The following CYP3A43 variants were observed in gnomAD, a reference collection of about 807,000 sequenced individuals.
CYP3A43 encodes the protein cytochrome P450 3A43.
CYP3A43 carries 45 observed loss-of-function variants against 58.0 expected under a neutral mutation model. The observed-to-expected ratio is 0.78, with a 90% CI of 0.61 to 0.99. The LOEUF is 0.99. Among genes scored for constraint, CYP3A43 ranks in the 50% least tolerant of loss-of-function variants. The pLI is 0.00. For synonymous variants in CYP3A43, 191 were observed against 201.4 expected (o/e 0.95, Z 0.44); for missense variants, 593 against 591.9 (o/e 1.00, Z -0.02).
intron 4 of CYP3A43, 56 bp downstream of exon 4, chr7:99,844,298 A>T: frequency 6.5e-7 from 1 of 1,539,526 alleles, no homozygotes; most frequent in Non-Finnish European, 8.9e-7. Flanking sequence ...ATGATTATAT[A>T]TTCATGGAAA....
At chr7:99,842,112 A>G (rs1206163058) in intron 3 of CYP3A43, among the ~76,000 whole-genome samples, 1 of 152,254 alleles carries the variant, frequency 6.6e-6, no homozygotes, top group South Asian at 2.1e-4. Context: ...TAAAGGACTT[A>G]TAAAATGGTC....
At chr7:99,863,728 T>C in intron 12 of CYP3A43, 29 bp downstream of exon 12, 1 of 1,486,962 alleles carries the variant, frequency 6.7e-7, no homozygotes, top group South Asian at 1.5e-5. Context: ...AAATAATGTT[T>C]ATTGGGAGTT....
intron 7 of CYP3A43, 35 bp from the exon 8 acceptor site, chr7:99,855,555 AT>A (rs1563069780): frequency 1.3e-6 from 2 of 1,574,636 alleles, no homozygotes; most frequent in Non-Finnish European, 1.7e-6. Flanking sequence ...TTTCACTATG[AT>A]TTATTTTTTC....
chr7:99,847,862 A>C (rs1017430268), intron 5 of CYP3A43: 10 of 510,354 alleles, frequency 2.0e-5, no homozygotes, highest in Admixed American at 1.3e-4. Context: ...AAATACAAAA[A>C]TTAGCTGGGC....
chr7:99,854,320 T>C (rs115694269), intron 7 of CYP3A43, among the ~76,000 whole-genome samples: 6,035 of 151,538 alleles, frequency 0.04, 408 homozygotes, highest in African/African-American at 0.14. Context: ...AATTCTCCTT[T>C]CTCACCCTCC....
At chr7:99,833,969 C>G (rs953178501) in intron 1 of CYP3A43, among the ~76,000 whole-genome samples, 2 of 152,168 alleles carry the variant, frequency 1.3e-5, no homozygotes, top group Admixed American at 1.3e-4. Context: ...CCAGGGACCA[C>G]CTGGACCAAG....
rs1456534178 is a variant in CYP3A43, at chr7:99,859,948, G to T, written c.984G>T (p.Gln328His). 1 of 1,612,354 alleles carries T rather than the reference G, an allele frequency of 6.2e-7. No homozygotes were observed. Among genetic ancestry groups the T allele is most frequent in the East Asian group, 2.2e-5 (1 of 44,804 alleles). Residue 328 changes from glutamine (Q) to histidine (H), a missense_variant, in exon 10 of 13, where the codon CAG becomes CAT. Coordinates refer to ENST00000354829, the MANE Select transcript of CYP3A43 (RefSeq NM_057095.3). Reference protein sequence around the residue: ...MYELATHPDVQQKLQEEIDAV... With the variant: ...MYELATHPDVHQKLQEEIDAV... ...AACTGGCCACTCACCCTGATGTCCA[G>T]CAGAAACTGCAGGAGGAGATTGACG...
rs555154675 is a variant in CYP3A43 at position 99,833,794 on chromosome 7, C to T, written c.72-2659C>T. Among the ~76,000 whole-genome samples the T allele has an allele frequency of 7.9e-5, 12 of 152,324 alleles. No individual in the cohort carries two copies. The East Asian group carries it at 1.3e-3, about 17-fold the overall frequency. On this transcript the variant is annotated intron_variant, in intron 1 of 12. Transcript: ENST00000354829. ...ATATCTGGTTAATGCCACAACTGTG[C>T]GGTAGCGTGTCAGGCTACTATTGCC...
Position 99,849,955 on chromosome 7 carries a change from A to ATTTTTT in CYP3A43, c.670+277_670+282dup, listed in dbSNP as rs71515286. ...TCATCCCCTTCCAATCTTCCTCACC[A>ATTTTTT]TTTTTTTTTTTTTTTTTTTTTAGAC... is the stretch of plus-strand genomic sequence containing the variant. On this transcript the variant is annotated intron_variant, in intron 7 of 12. Transcript: ENST00000354829. 8.1e-3 allele frequency: 2,935 copies of ATTTTTT among 363,034 alleles called. 281 individuals carry two copies. The highest frequency in any genetic ancestry group is 0.073 in the African/African-American group (2,002 of 27,272). The allele number at this position is 363,034 out of a possible 1,614,324, so 22.5% of individuals were successfully genotyped here. A position where few individuals can be genotyped will look rare whatever the true frequency, so the allele number is the denominator to read the frequency against.
At chr7:99,834,613 G>A (rs575866671) in intron 1 of CYP3A43, among the ~76,000 whole-genome samples, 12 of 152,272 alleles carry the variant, frequency 7.9e-5, no homozygotes, top group East Asian at 7.7e-4. Context: ...TGCCAAGTGC[G>A]GCTTAGAATA....
chr7:99,845,354 G>A (rs926922026), intron 4 of CYP3A43, among the ~76,000 whole-genome samples: 2 of 150,494 alleles, frequency 1.3e-5, no homozygotes, highest in African/African-American at 2.5e-5. Flanking sequence ...ACAGAGTCTC[G>A]CTCTGTCACC....
rs1379584913 is a variant in CYP3A43 at position 99,859,879 on chromosome 7, T to C, written c.915T>C (p.Ala305=). The change falls in exon 10 of 13, where the codon GCT becomes GCC. Residue 305 remains alanine (A), a synonymous_variant. Transcript: ENST00000354829. The stretch of plus-strand genomic sequence containing the variant: ...CCCAGTCAATTATCATCATTTTTGC[T>C]GCCTATGACACAACTAGCACCACTC... ...LVAQSIIIIF[A]AYDTTSTTLP... 1 of 1,614,222 alleles carries C rather than the reference T, an allele frequency of 6.2e-7. No homozygotes were observed. The highest frequency in any genetic ancestry group is 8.5e-7 in the Non-Finnish European group (1 of 1,180,044).
rs1468743755 is a variant in CYP3A43, at chr7:99,849,811, T to C, written c.670+117T>C. 4.6e-6 allele frequency: 5 copies of C among 1,078,758 alleles called. No individual in the cohort carries two copies. In the African/African-American group the frequency reaches 6.5e-5, roughly 14 times the overall value. 66.8% of individuals were successfully genotyped at this position (1,078,758 alleles called of 1,614,324 possible). ...TAATTCACCTACTTAAAATGTATAA[T>C]TCAATGGTTTTTGGTACATTTAAAG... On this transcript the variant is annotated intron_variant, in intron 7 of 12. Coordinates refer to ENST00000354829, the MANE Select transcript of CYP3A43 (RefSeq NM_057095.3).
chr7:99,850,739 T>C (rs1817729390), intron 7 of CYP3A43, among the ~76,000 whole-genome samples: 1 of 152,206 alleles, frequency 6.6e-6, no homozygotes, highest in Non-Finnish European at 1.5e-5. Context: ...ATCATATAAA[T>C]TGAATCATAT....
At chr7:99,831,283 C>A (rs1816833477) in intron 1 of CYP3A43, among the ~76,000 whole-genome samples, 1 of 152,126 alleles carries the variant, frequency 6.6e-6, no homozygotes, top group Non-Finnish European at 1.5e-5. Flanking sequence ...CTAAGAAAAG[C>A]TAACCTATAA....
chr7:99,860,943 G>A (rs45563540), intron 10 of CYP3A43, among the ~76,000 whole-genome samples: 9,023 of 151,866 alleles, frequency 0.059, 849 homozygotes, highest in African/African-American at 0.2. Flanking sequence ...GGGTGATCTC[G>A]GCTCACTGCT....
At chr7:99,836,657 C>G (rs1336062601) in intron 2 of CYP3A43, 111 bp downstream of exon 2, 2 of 772,550 alleles carry the variant, frequency 2.6e-6, no homozygotes, top group Non-Finnish European at 4.1e-6. Flanking sequence ...TTTACACTTT[C>G]AGAAATGGTG....
At chr7:99,828,270 A>T in intron 1 of CYP3A43, 84 bp downstream of exon 1, 1 of 1,104,700 alleles carries the variant, frequency 9.1e-7, no homozygotes, top group East Asian at 2.4e-5. Context: ...TTTGTTTTGA[A>T]GATAAAAGAG....
At chr7:99,849,955 A>ATT (rs71515286) in intron 7 of CYP3A43, 2,382 of 360,836 alleles carry the variant, frequency 6.6e-3, no homozygotes, top group South Asian at 9.9e-3. Flanking sequence ...CTTCCTCACC[A>ATT]TTTTTTTTTT....
Sources: allele counts gnomAD v4.1 joint callset (sites outside exome capture counted in the v4.1 genomes callset), GRCh38; gene constraint gnomAD v4.1.1; transcripts MANE v1.5; gene names NCBI Gene and HGNC (gene_info 2026-07-23, HGNC 2026-07-21).